Variants in WIPF2 observed in about 807,000 individuals in gnomAD.
WIPF2 encodes WAS/WASL interacting protein family member 2.
In WIPF2, 23 loss-of-function variants were observed where a neutral mutation model predicts 38.8. That is an observed-to-expected ratio of 0.59 (90% CI 0.43 to 0.84). WIPF2 has a LOEUF of 0.84. Ranked by LOEUF, WIPF2 falls within the 40% of genes least tolerant of loss-of-function variation. WIPF2 has a pLI of 0.00. For missense variants in WIPF2, 574 were observed against 580.5 expected (o/e 0.99, Z 0.11); for synonymous variants, 210 against 223.2 (o/e 0.94, Z 0.53).
intron 1 of WIPF2, among the ~76,000 whole-genome samples, chr17:40,233,939 T>C (rs2030851405): frequency 1.3e-5 from 2 of 152,178 alleles, no homozygotes; most frequent in South Asian, 2.1e-4. Flanking sequence ...GGTGCATGCC[T>C]GTAATCTCAG....
intron 3 of WIPF2, among the ~76,000 whole-genome samples, chr17:40,261,682 G>GTTTT (rs929999985): frequency 7.0e-6 from 1 of 142,488 alleles, no homozygotes; most frequent in African/African-American, 2.6e-5. Context: ...TTTTTTTTTG[G>GTTTT]TTTTTTTTGT....
At chr17:40,261,061 G>A (rs2031887438) in intron 3 of WIPF2, among the ~76,000 whole-genome samples, 1 of 146,210 alleles carries the variant, frequency 6.8e-6, no homozygotes, top group Non-Finnish European at 1.5e-5. Context: ...AAAAAAGGCT[G>A]CCATCTCTTA....
At chr17:40,255,578 G>A (rs2031696973) in intron 1 of WIPF2, among the ~76,000 whole-genome samples, 1 of 151,648 alleles carries the variant, frequency 6.6e-6, no homozygotes, top group Non-Finnish European at 1.5e-5. Context: ...ACTCACTTTG[G>A]CCTCCCAAAG....
At chr17:40,241,460 G>A (rs563529907) in intron 1 of WIPF2, among the ~76,000 whole-genome samples, 1 of 152,254 alleles carries the variant, frequency 6.6e-6, no homozygotes, top group East Asian at 1.9e-4. Context: ...TTCTGAATTA[G>A]CATGTGTGTC....
chr17:40,221,086 T>A (rs1361503378), intron 1 of WIPF2, among the ~76,000 whole-genome samples: 1 of 152,110 alleles, frequency 6.6e-6, no homozygotes, highest in African/African-American at 2.4e-5. Flanking sequence ...CTGTCCAGAA[T>A]TCATATTTTT....
At chr17:40,235,961 AATT>A (rs1441293412) in intron 1 of WIPF2, among the ~76,000 whole-genome samples, 1 of 150,612 alleles carries the variant, frequency 6.6e-6, no homozygotes, top group African/African-American at 2.4e-5. Context: ...GGATTAAAAA[AATT>A]TTTTTTTTTT....
intron 4 of WIPF2, among the ~76,000 whole-genome samples, 164 bp from the exon 5 acceptor site, chr17:40,264,326 C>CAAAAAA (rs772320240): frequency 2.1e-4 from 5 of 23,926 alleles, no homozygotes; most frequent in Non-Finnish European, 3.5e-4. Context: ...AACTTCGTCT[C>CAAAAAA]AAAAAAAAAA....
chr17:40,247,105 C>T (rs2031392848), intron 1 of WIPF2, among the ~76,000 whole-genome samples: 1 of 151,390 alleles, frequency 6.6e-6, no homozygotes, highest in South Asian at 2.1e-4. Context: ...CAGTGCGATA[C>T]TCCGTCTCAA....
In WIPF2 at chr17:40,277,140, A is replaced by T. The variant is rs1340611615; in HGVS notation, c.1238A>T (p.Glu413Val). The T allele has an allele frequency of 1.9e-6, 3 of 1,613,706 alleles. No homozygotes were observed. Among genetic ancestry groups the T allele is most frequent in the Non-Finnish European group, 1.7e-6 (2 of 1,179,838 alleles). ...HPVEDFPAPE[E>V]YKHFQRIYPS... Reference sequence around the variant, plus strand: ...GTAGAAGACTTTCCTGCTCCAGAAGAATATAAACACTTTCAGAGGATATAT... The same window carrying T: ...GTAGAAGACTTTCCTGCTCCAGAAGTATATAAACACTTTCAGAGGATATAT... Residue 413 changes from glutamate (E) to valine (V), a missense_variant, in exon 7 of 8, where the codon GAA becomes GTA. Physicochemically the swap from Glu to Val is moderately radical, Grantham distance 121. Transcript: ENST00000323571.
At chr17:40,255,089 C>G (rs2031676715) in intron 1 of WIPF2, among the ~76,000 whole-genome samples, 1 of 151,958 alleles carries the variant, frequency 6.6e-6, no homozygotes, top group Non-Finnish European at 1.5e-5. Context: ...AGATAAGCCT[C>G]AGACTGGGAA....
chr17:40,254,804 T>C (rs1268475547), intron 1 of WIPF2, among the ~76,000 whole-genome samples: 1 of 152,006 alleles, frequency 6.6e-6, no homozygotes, highest in Admixed American at 6.6e-5. Flanking sequence ...CTTTCTTGGC[T>C]CACTGCACCT....
chr17:40,223,117 G>C (rs2030323088), intron 1 of WIPF2, among the ~76,000 whole-genome samples: 2 of 151,942 alleles, frequency 1.3e-5, no homozygotes, highest in African/African-American at 4.8e-5. Context: ...ATGAAGACTA[G>C]TAGAATGTAG....
chr17:40,259,378 T>C (rs143743063), intron 2 of WIPF2, among the ~76,000 whole-genome samples: 1 of 150,120 alleles, frequency 6.7e-6, no homozygotes, highest in Non-Finnish European at 1.5e-5. Flanking sequence ...GAGCTTGCAG[T>C]GAGCCGAGAT....
rs117666578 is a variant in WIPF2, at chr17:40,253,845, C to A, written c.-69-2546C>A. The stretch of plus-strand genomic sequence containing the variant: ...GTCTCATTTCTGATCAAATTCTACT[C>A]TCCTGCAGTGGTTTTTGGTTTTATA... On this transcript the variant is annotated intron_variant, in intron 1 of 7. Transcript: ENST00000323571. 5.8e-4 allele frequency among the ~76,000 whole-genome samples: 89 copies of A among 152,274 alleles called. No homozygotes were observed. In the East Asian group the frequency reaches 0.016, roughly 28 times the overall value.
intron 1 of WIPF2, among the ~76,000 whole-genome samples, chr17:40,239,203 C>T (rs955335351): frequency 6.6e-6 from 1 of 151,886 alleles, no homozygotes; most frequent in Non-Finnish European, 1.5e-5. Context: ...TCCCAAGTAG[C>T]TGGGACCACA....
rs542812960 is a variant in WIPF2, at chr17:40,227,054, T to A, written c.-70+7562T>A. ...CCACGCCCAGCCTATTTATTTATTT[T>A]TTTTTGAGACAGAGTTTCACTGTGT... is the stretch of plus-strand genomic sequence containing the variant. On this transcript the variant is annotated intron_variant, in intron 1 of 7. Transcript: ENST00000323571. Among the ~76,000 whole-genome samples, 351 of 151,054 alleles carry A rather than the reference T, an allele frequency of 2.3e-3. 4 individuals carry two copies. Among genetic ancestry groups the A allele is most frequent in the African/African-American group, 7.3e-3 (298 of 41,080 alleles).
chr17:40,269,654 G>T (rs1214560810), intron 5 of WIPF2, among the ~76,000 whole-genome samples: 2 of 141,518 alleles, frequency 1.4e-5, no homozygotes, highest in Non-Finnish European at 3.1e-5. Context: ...GCCCAGGCTG[G>T]AGTGCAGTGG....
At chr17:40,265,339 A>G (rs562692373) in intron 5 of WIPF2, among the ~76,000 whole-genome samples, 193 bp downstream of exon 5, 3 of 152,368 alleles carry the variant, frequency 2.0e-5, no homozygotes, top group South Asian at 2.1e-4. Flanking sequence ...TCAAACTAGT[A>G]AAATATATAA....
intron 4 of WIPF2, among the ~76,000 whole-genome samples, chr17:40,263,423 C>T (rs1357561179): frequency 6.6e-6 from 1 of 152,108 alleles, no homozygotes; most frequent in East Asian, 1.9e-4. Context: ...TGCCCTGTTC[C>T]TAACAGGCCA....
Sources: allele counts gnomAD v4.1 joint callset (sites outside exome capture counted in the v4.1 genomes callset), GRCh38; gene constraint gnomAD v4.1.1; transcripts MANE v1.5; gene names NCBI Gene and HGNC (gene_info 2026-07-23, HGNC 2026-07-21).